The following KCNK9 variants were observed in gnomAD, a reference collection of about 807,000 sequenced individuals.
The protein encoded by KCNK9 is potassium two pore domain channel subfamily K member 9, also known as potassium channel subfamily K member 9.
In KCNK9, 1 loss-of-function variant was observed where a neutral mutation model predicts 10.8. That is an observed-to-expected ratio of 0.09 (90% confidence interval 0.03 to 0.44). The LOEUF (loss-of-function observed/expected upper bound fraction) is 0.44, where lower values mean the gene tolerates loss of function less well. Among genes scored for constraint, KCNK9 ranks in the 20% least tolerant of loss-of-function variants. The pLI, the probability that KCNK9 is intolerant of heterozygous loss-of-function variation, is 0.97. For synonymous variants in KCNK9, 231 were observed against 222.7 expected (o/e 1.04, Z -0.33); for missense variants, 303 against 515.0 (o/e 0.59, Z 3.98).
intron 2 of KCNK9, among the ~76,000 whole-genome samples, chr8:139,603,003 C>T (rs986796197): frequency 5.3e-5 from 8 of 152,206 alleles, no homozygotes; most frequent in African/African-American, 1.9e-4. Context: ...CAAGGGAACT[C>T]ACAACAAGTA....
chr8:139,635,779 C>A (rs2615378), intron 1 of KCNK9, among the ~76,000 whole-genome samples: 280 of 152,068 alleles, frequency 1.8e-3, no homozygotes, highest in Non-Finnish European at 3.0e-3. Flanking sequence ...CAGGAGGCAG[C>A]CTGGAAGCAT....
chr8:139,617,662 G>A lies in KCNK9; in HGVS notation c.*596C>T, dbSNP rs1814640482. Among the ~76,000 whole-genome samples, 1 of 152,158 alleles carries A rather than the reference G, an allele frequency of 6.6e-6. No homozygotes were observed. The highest frequency in any genetic ancestry group is 2.4e-5 in the African/African-American group (1 of 41,430). ...ATAAATCAAAAACCTTGTGGGTTTTGTCTTCCCGTTTTGTTTGGAAGCAGC... is the reference window on the plus strand; with the variant it reads ...ATAAATCAAAAACCTTGTGGGTTTTATCTTCCCGTTTTGTTTGGAAGCAGC... On this transcript the variant is annotated 3_prime_UTR_variant, in exon 2 of 2. Transcript: ENST00000520439.
chr8:139,698,077 G>A (rs1228868557), intron 1 of KCNK9, among the ~76,000 whole-genome samples: 1 of 152,186 alleles, frequency 6.6e-6, no homozygotes, highest in African/African-American at 2.4e-5. Context: ...AAAACGCGAT[G>A]GACTACTCCA....
At chr8:139,691,955 G>C (rs1422142203) in intron 1 of KCNK9, among the ~76,000 whole-genome samples, 1 of 152,184 alleles carries the variant, frequency 6.6e-6, no homozygotes, top group Non-Finnish European at 1.5e-5. Flanking sequence ...TGTTGGGCGG[G>C]TCATCCAGGA....
At chr8:139,650,550 C>A (rs1478304301) in intron 1 of KCNK9, among the ~76,000 whole-genome samples, 1 of 152,124 alleles carries the variant, frequency 6.6e-6, no homozygotes, top group Non-Finnish European at 1.5e-5. Flanking sequence ...CCCTCCCTTA[C>A]CTGAGGAAGT....
chr8:139,604,867 A>G (rs1817452333), intron 2 of KCNK9, among the ~76,000 whole-genome samples: 1 of 152,122 alleles, frequency 6.6e-6, no homozygotes, highest in East Asian at 1.9e-4. Context: ...TTGTGTGGCC[A>G]GGTTCAGGAA....
At chr8:139,670,077 T>TA (rs1174999506) in intron 1 of KCNK9, among the ~76,000 whole-genome samples, 1 of 152,224 alleles carries the variant, frequency 6.6e-6, no homozygotes, top group Non-Finnish European at 1.5e-5. Context: ...AGCCATGATG[T>TA]AAACAGGCTG....
At chr8:139,645,858 C>T (rs1815659761) in intron 1 of KCNK9, among the ~76,000 whole-genome samples, 1 of 152,180 alleles carries the variant, frequency 6.6e-6, no homozygotes, top group Non-Finnish European at 1.5e-5. Flanking sequence ...CAAGAGGGAG[C>T]TTCCCAAGCC....
At chr8:139,610,899 G>C (rs1225763965), downstream of KCNK9, among the ~76,000 whole-genome samples, 1 of 152,234 alleles carries the variant, frequency 6.6e-6, no homozygotes, top group Non-Finnish European at 1.5e-5. Context: ...GGATTCCACT[G>C]ACGGTGGGAT....
At chr8:139,668,422 C>CT (rs35809199) in intron 1 of KCNK9, among the ~76,000 whole-genome samples, 64,160 of 140,532 alleles carry the variant, frequency 0.46, 14,997 homozygotes, top group Non-Finnish European at 0.53. Flanking sequence ...GTAAACAATA[C>CT]TTTTTTTTTT....
Position 139,702,106 on chromosome 8 carries a change from C to T in KCNK9, c.283+604G>A, listed in dbSNP as rs1312514703. On this transcript the variant is annotated intron_variant, in intron 1 of 1. Coordinates refer to ENST00000520439, the MANE Select transcript of KCNK9 (RefSeq NM_001282534.2). The surrounding 1 kb of genome is among the most constrained non-coding windows in gnomAD (Gnocchi z 7.5). ...AGAGCAAACTCTCTCCTCCCAGGGG[C>T]CTGGGAAGTCCAAGCTCCAGAACTG... is the stretch of plus-strand genomic sequence containing the variant. 6.6e-6 allele frequency among the ~76,000 whole-genome samples: 1 copy of T among 152,174 alleles called. No homozygotes were observed.
chr8:139,698,808 A>T (rs1339617228), intron 1 of KCNK9, among the ~76,000 whole-genome samples: 1 of 152,196 alleles, frequency 6.6e-6, no homozygotes, highest in Admixed American at 6.5e-5. Flanking sequence ...GTTTCACGAA[A>T]AGTCTGTTTA....
downstream of KCNK9, among the ~76,000 whole-genome samples, chr8:139,610,071 G>GCCCTCCCTCAGCCTCCA (rs1352403822): frequency 2.2e-4 from 34 of 152,188 alleles, no homozygotes; most frequent in Admixed American, 6.5e-4. Context: ...CCCAGCCTCT[G>GCCCTCCCTCAGCCTCCA]CCCTCCCTCA....
In KCNK9 at chr8:139,647,637, T is replaced by A. The variant is rs147604153; in HGVS notation, c.284-28538A>T. On this transcript the variant is annotated intron_variant, in intron 1 of 1. Coordinates refer to ENST00000520439, the MANE Select transcript of KCNK9 (RefSeq NM_001282534.2). ...GGGCATAGAGGCCAGGATGGCCAGG[T>A]GCAGCTGGAAAGGAGGTGGCGGTGA... is the stretch of plus-strand genomic sequence containing the variant. Among the ~76,000 whole-genome samples, 1,369 of 152,210 alleles carry A rather than the reference T, an allele frequency of 9.0e-3. 27 individuals are homozygous for A. Among genetic ancestry groups the A allele is most frequent in the African/African-American group, 0.031 (1,299 of 41,512 alleles).
chr8:139,702,885 G>A lies in KCNK9; in HGVS notation c.108C>T (p.Arg36=). ...FDALESDHEM[R]EEEKLKAEEI... is the part of the protein sequence containing the mutation. ...CCTCGGCTTTGAGTTTCTCCTCCTC[G>A]CGCATCTCGTGGTCCGACTCGAGGG... Residue 36 remains arginine, a synonymous_variant, in exon 1 of 2, where the codon CGC becomes CGT. Coordinates refer to ENST00000520439, the MANE Select transcript of KCNK9 (RefSeq NM_001282534.2). This position sits in a 1 kb window ranked among gnomAD's most constrained non-coding sequence, Gnocchi z 7.5. The A allele has an allele frequency of 6.2e-7, 1 of 1,613,846 alleles. No individual in the cohort carries two copies. The highest frequency in any genetic ancestry group is 2.2e-5 in the East Asian group (1 of 44,844).
rs1222560554 is a variant in KCNK9 at position 139,702,733 on chromosome 8, G to A, written c.260C>T (p.Ala87Val). 1.2e-6 allele frequency: 2 copies of A among 1,611,516 alleles called. No homozygotes were observed. The highest frequency in any genetic ancestry group is 1.1e-5 in the South Asian group (1 of 90,798). The change falls in exon 1 of 2, where the codon GCG (alanine) becomes GTG (valine). Residue 87 changes from alanine to valine, a missense_variant. Physicochemically the swap from Ala to Val is moderately conservative, Grantham distance 64 (BLOSUM62 0). This residue lies in a region of KCNK9 where 22 missense variants were observed against 86.5 expected (regional missense o/e 0.25). Transcript: ENST00000520439. The surrounding 1 kb of genome is among the most constrained non-coding windows in gnomAD (Gnocchi z 7.5). ...ACCTATGGTGGTGATGACCGTGATC[G>A]CAAAGTAGAAGGAGCCGGCGAATTT... ...QWKFAGSFYF[A>V]ITVITTIGYG...
intron 1 of KCNK9, among the ~76,000 whole-genome samples, chr8:139,640,313 A>G (rs1366142301): frequency 6.6e-6 from 1 of 152,136 alleles, no homozygotes; most frequent in African/African-American, 2.4e-5. Flanking sequence ...CCTGCCTCTC[A>G]TCCTACCCCA....
At chr8:139,649,596 T>C (rs1815796018) in intron 1 of KCNK9, among the ~76,000 whole-genome samples, 1 of 152,138 alleles carries the variant, frequency 6.6e-6, no homozygotes, top group African/African-American at 2.4e-5. Flanking sequence ...TCCTGGGCCC[T>C]TCCTCCTGCA....
intron 1 of KCNK9, among the ~76,000 whole-genome samples, chr8:139,628,873 G>A (rs1414948959): frequency 6.6e-6 from 1 of 152,162 alleles, no homozygotes; most frequent in Non-Finnish European, 1.5e-5. Context: ...CCTCAGGAGA[G>A]CCCTAGGGCC....
Sources: allele counts gnomAD v4.1 joint callset (sites outside exome capture counted in the v4.1 genomes callset), GRCh38; gene constraint gnomAD v4.1.1; regional missense constraint gnomAD v4.1.1; non-coding constraint Gnocchi (gnomAD v3.1); transcripts MANE v1.5; gene names NCBI Gene and HGNC (gene_info 2026-07-23, HGNC 2026-07-21).